Variants in DARS1 observed in about 807,000 individuals in gnomAD.
The protein encoded by DARS1 is aspartate--tRNA ligase, cytoplasmic.
A neutral mutation model predicts 68.8 loss-of-function variants in DARS1; 51 were observed. The observed-to-expected ratio is 0.74, with a 90% CI of 0.59 to 0.94. The LOEUF (loss-of-function observed/expected upper bound fraction) is 0.94. DARS1 is among the 40% of genes least tolerant of loss of function. DARS1 has a pLI of 0.00. For synonymous variants in DARS1, 203 were observed against 190.4 expected (o/e 1.07, Z -0.55); for missense variants, 607 against 597.3 (o/e 1.02, Z -0.17).
intron 5 of DARS1, among the ~76,000 whole-genome samples, chr2:135,935,169 A>G (rs1042107419): frequency 1.3e-5 from 2 of 152,020 alleles, no homozygotes; most frequent in Admixed American, 6.6e-5. Context: ...GCTCTGCTGC[A>G]CTTCTTTTCT....
chr2:135,963,200 C>A (rs1354969368), intron 3 of DARS1, among the ~76,000 whole-genome samples: 1 of 152,162 alleles, frequency 6.6e-6, no homozygotes, highest in Non-Finnish European at 1.5e-5. Context: ...GGTATCATAT[C>A]CTATCACTTC....
intron 3 of DARS1, among the ~76,000 whole-genome samples, chr2:135,974,664 A>G (rs1015203490): frequency 2.0e-5 from 3 of 152,232 alleles, no homozygotes; most frequent in Non-Finnish European, 4.4e-5. Flanking sequence ...GCTCTTTCAA[A>G]AATTCTTCAT....
At chr2:135,929,193 T>C (rs1356895364) in intron 7 of DARS1, among the ~76,000 whole-genome samples, 1 of 152,186 alleles carries the variant, frequency 6.6e-6, no homozygotes, top group East Asian at 1.9e-4. Context: ...TCAACAGTTA[T>C]GACATCCCTG....
At chr2:135,934,072 T>TA (rs1681413666) in intron 5 of DARS1, 82 bp from the exon 6 acceptor site, 20 of 1,538,942 alleles carry the variant, frequency 1.3e-5, no homozygotes, top group Non-Finnish European at 1.7e-5. Context: ...ACAGTTGACT[T>TA]AAGCATGAAG....
Position 135,933,938 on chromosome 2 carries a change from G to T in DARS1, c.476C>A (p.Ala159Asp). The T allele has an allele frequency of 1.2e-6, 2 of 1,613,652 alleles. No individual in the cohort carries two copies. Among genetic ancestry groups the T allele is most frequent in the Non-Finnish European group, 1.7e-6 (2 of 1,179,662 alleles). The change falls in exon 6 of 16, where the codon GCT becomes GAT. Residue 159 changes from alanine (A) to aspartate (D), a missense_variant. Transcript: ENST00000264161. ...EPRLPLQLDD[A>D]VRPEAEGEEE... is the part of the protein sequence containing the mutation. ...TTCTCCTTCTGCCTCAGGCCGAACA[G>T]CATCATCCAGCTGCAGGGGCAGACG...
chr2:135,935,513 T>C (rs1681449240), intron 5 of DARS1, among the ~76,000 whole-genome samples: 1 of 151,890 alleles, frequency 6.6e-6, no homozygotes, highest in Non-Finnish European at 1.5e-5. Context: ...GGCAGGAGAA[T>C]GGCGTGAACC....
chr2:135,919,779 T>C (rs181433209), intron 10 of DARS1, among the ~76,000 whole-genome samples: 54 of 152,356 alleles, frequency 3.5e-4, no homozygotes, highest in African/African-American at 1.3e-3. Flanking sequence ...AAATGTTAAT[T>C]CATCAGATCC....
At chr2:135,965,136 A>C (rs1682194993) in intron 3 of DARS1, among the ~76,000 whole-genome samples, 1 of 152,176 alleles carries the variant, frequency 6.6e-6, no homozygotes, top group South Asian at 2.1e-4. Flanking sequence ...AATTCAGGAC[A>C]TTACGAAATT....
At chr2:135,969,832 T>G (rs1014188201) in intron 3 of DARS1, among the ~76,000 whole-genome samples, 1 of 152,166 alleles carries the variant, frequency 6.6e-6, no homozygotes, top group Non-Finnish European at 1.5e-5. Flanking sequence ...TTAGGTTTCT[T>G]CACGCTTATG....
chr2:135,955,361 T>C (rs1681948109), intron 4 of DARS1, among the ~76,000 whole-genome samples: 1 of 152,088 alleles, frequency 6.6e-6, no homozygotes, highest in African/African-American at 2.4e-5. Context: ...ATGATAAATA[T>C]ACTTACAGAT....
chr2:135,958,537 G>C (rs1386300899), intron 4 of DARS1, among the ~76,000 whole-genome samples: 1 of 152,100 alleles, frequency 6.6e-6, no homozygotes, highest in Non-Finnish European at 1.5e-5. Context: ...CTACCAAGAA[G>C]GATCAGGATT....
chr2:135,920,472 A>G lies in DARS1; in HGVS notation c.940T>C (p.Phe314Leu), dbSNP rs1575385278. 6.2e-7 allele frequency: 1 copy of G among 1,613,186 alleles called. No homozygotes were observed. Among genetic ancestry groups the G allele is most frequent in the Non-Finnish European group, 8.5e-7 (1 of 1,179,652 alleles). ...TTTTACCTTTCTTGAAGTCCTTTGAATATTTGTACCATGGTGTCAGCAATT... is the reference window on the plus strand; with the variant it reads ...TTTTACCTTTCTTGAAGTCCTTTGAGTATTTGTACCATGGTGTCAGCAATT... ...EEIADTMVQI[F>L]KGLQERFQTE... Residue 314 changes from phenylalanine to leucine, a missense_variant, in exon 10 of 16, where the codon TTC (phenylalanine) becomes CTC (leucine). Transcript: ENST00000264161.
rs183782533 is a variant in DARS1 at position 135,960,217 on chromosome 2, T to C, written c.320+1179A>G. 2.6e-3 allele frequency among the ~76,000 whole-genome samples: 392 copies of C among 152,102 alleles called. 2 individuals are homozygous for C. Among genetic ancestry groups the C allele is most frequent in the African/African-American group, 8.7e-3 (363 of 41,486 alleles). ...GGCAGCACTGGGAGATAGGGAGAGG[T>C]GGGGCTACTGTATTAGTAGTATTAA... is the stretch of plus-strand genomic sequence containing the variant. On this transcript the variant is annotated intron_variant, in intron 4 of 15. Coordinates refer to ENST00000264161, the MANE Select transcript of DARS1 (RefSeq NM_001349.4).
chr2:135,956,913 A>C (rs1681988856), intron 4 of DARS1, among the ~76,000 whole-genome samples: 1 of 150,846 alleles, frequency 6.6e-6, no homozygotes, highest in African/African-American at 2.4e-5. Context: ...AGAGGCGCCT[A>C]CCACCACACC....
intron 5 of DARS1, among the ~76,000 whole-genome samples, chr2:135,935,133 C>T (rs1244344923): frequency 6.6e-6 from 1 of 152,132 alleles, no homozygotes; most frequent in Non-Finnish European, 1.5e-5. Context: ...ACTGCCACTG[C>T]CACCACTAGG....
intron 5 of DARS1, among the ~76,000 whole-genome samples, chr2:135,937,962 G>C (rs374218899): frequency 6.6e-6 from 1 of 152,130 alleles, no homozygotes; most frequent in Non-Finnish European, 1.5e-5. Flanking sequence ...TCTGACAATT[G>C]TGTGTCTTGG....
At chr2:135,911,299 A>T in intron 14 of DARS1, 83 bp downstream of exon 14, 1 of 847,854 alleles carries the variant, frequency 1.2e-6, no homozygotes, top group Non-Finnish European at 2.0e-6. Flanking sequence ...GGAGATTTTT[A>T]AAAAGACTGA....
Position 135,936,449 on chromosome 2 carries a change from G to T in DARS1, c.424-2459C>A, listed in dbSNP as rs772569085. ...CTTGCTCTGTCACCCAGGCTAGAGC[G>T]CAGTGGTGTGATCACAGCTCACTGT... On this transcript the variant is annotated intron_variant, in intron 5 of 15. Coordinates refer to ENST00000264161, the MANE Select transcript of DARS1 (RefSeq NM_001349.4). Among the ~76,000 whole-genome samples, 14 of 151,776 alleles carry T rather than the reference G, an allele frequency of 9.2e-5. No homozygotes were observed. The East Asian group carries it at 2.3e-3, about 25-fold the overall frequency.
intron 12 of DARS1, among the ~76,000 whole-genome samples, chr2:135,913,327 G>C (rs1680936027): frequency 6.6e-6 from 1 of 151,948 alleles, no homozygotes; most frequent in African/African-American, 2.4e-5. Flanking sequence ...TTTTTATCTA[G>C]ATATATACAT....
Sources: allele counts gnomAD v4.1 joint callset (sites outside exome capture counted in the v4.1 genomes callset), GRCh38; gene constraint gnomAD v4.1.1; transcripts MANE v1.5; gene names NCBI Gene and HGNC (gene_info 2026-07-23, HGNC 2026-07-21).